Variants in IQSEC3 observed in about 807,000 individuals in gnomAD.
IQSEC3 encodes the protein IQ motif and Sec7 domain ArfGEF 3.
A neutral mutation model predicts 105.4 loss-of-function variants in IQSEC3; 50 were observed. The ratio of observed to expected loss-of-function variants is 0.47; its 90% CI spans 0.38 to 0.60. The LOEUF (loss-of-function observed/expected upper bound fraction) is 0.60, where lower values mean the gene tolerates loss of function less well. Among genes scored for constraint, IQSEC3 ranks in the 20% least tolerant of loss-of-function variants. The probability of loss-of-function intolerance (pLI) is 0.00; values close to 1 mark genes in which losing one functional copy is unlikely to be tolerated. For missense variants in IQSEC3, 1,415 were observed against 1,630.0 expected, an observed-to-expected ratio of 0.87 and a Z score of 2.27; for synonymous variants, 708 against 746.0, an observed-to-expected ratio of 0.95 and a Z score of 0.83.
rs1044196500 is a variant in IQSEC3, at chr12:117,981, G to A, written c.624-7652G>A. ...AGCAGGGATGGAGCAGCGACACAGC[G>A]GGTGTGGCCAGGGCCCAAGCAAATG... On this transcript the variant is annotated intron_variant, in intron 2 of 13. Transcript: ENST00000538872. Among the ~76,000 whole-genome samples, 11 of 152,218 alleles carry A rather than the reference G, an allele frequency of 7.2e-5. 1 individual carries two copies. The highest frequency in any genetic ancestry group is 1.0e-4 in the Non-Finnish European group (7 of 68,038).
Position 125,883 on chromosome 12 carries a change from G to C in IQSEC3, c.874G>C (p.Glu292Gln). Residue 292 changes from glutamate to glutamine, a missense_variant, in exon 3 of 14, where the codon GAA (glutamate) becomes CAA (glutamine). Transcript: ENST00000538872. ...CCACGCCCCTGCCGCCTCCGATTAC[G>C]AACTCTCCCTTGACCTAAAGAATAA... ...CPHAPAASDYELSLDLKNKQI... is the reference protein window; with the variant it reads ...CPHAPAASDYQLSLDLKNKQI... 1 of 1,533,774 alleles carries C rather than the reference G, an allele frequency of 6.5e-7. No homozygotes were observed. The highest frequency in any genetic ancestry group is 8.7e-7 in the Non-Finnish European group (1 of 1,146,528).
chr12:100,546 G>A (rs1220661343), intron 2 of IQSEC3, among the ~76,000 whole-genome samples: 1 of 152,168 alleles, frequency 6.6e-6, no homozygotes, highest in African/African-American at 2.4e-5. Flanking sequence ...AAGAGGCGGG[G>A]CTCTGAGGAG....
In IQSEC3 at chr12:165,765, C is replaced by G; in HGVS notation, c.2846C>G (p.Ser949Trp). 6.2e-7 allele frequency: 1 copy of G among 1,613,936 alleles called. No homozygotes were observed. ...GGCATCACACTGGTGACCCCGCTCT[C>G]GGGCTCCGAGAAGAAGCAGGTGCTG... is the stretch of plus-strand genomic sequence containing the variant. ...SHGITLVTPL[S>W]GSEKKQVLHF... The change falls in exon 11 of 14, where the codon TCG becomes TGG. Residue 949 changes from serine (S) to tryptophan (W), a missense_variant. This residue lies in a region of IQSEC3 where 419 missense variants were observed against 436.2 expected (regional missense o/e 0.96). Transcript: ENST00000538872.
chr12:176,716 T>C lies in IQSEC3; in HGVS notation c.*1683T>C, dbSNP rs1375859297. The C allele has an allele frequency of 2.0e-5, 3 of 152,320 alleles. No individual in the cohort carries two copies. Among genetic ancestry groups the C allele is most frequent in the Non-Finnish European group, 4.4e-5 (3 of 68,082 alleles). The allele number at this position is 152,320 out of a possible 1,614,324, so 9.4% of individuals were successfully genotyped here. A position where few individuals can be genotyped will look rare whatever the true frequency, so the allele number is the denominator to read the frequency against. ...CTTCGTCGGCCCAGTTTCTGTAACT[T>C]GCAGCCAATTTGCCCTCTCCCCTGT... On this transcript the variant is annotated 3_prime_UTR_variant, in exon 14 of 14. Transcript: ENST00000538872. The surrounding 1 kb of genome is among the most constrained non-coding windows in gnomAD (Gnocchi z 4.0).
chr12:77,952 C>T lies in IQSEC3; in HGVS notation c.554+10516C>T, dbSNP rs548801393. ...GAGAAGGAATCTCCCGGCCCACGCG[C>T]CCCCTCCCAGCGTCCAGCCTCGCAC... On this transcript the variant is annotated intron_variant, in intron 1 of 13. Coordinates refer to ENST00000538872, the MANE Select transcript of IQSEC3 (RefSeq NM_001170738.2). Among the ~76,000 whole-genome samples the T allele has an allele frequency of 4.1e-5, 6 of 146,752 alleles. No individual in the cohort carries two copies. In the East Asian group the frequency reaches 9.7e-4, roughly 24 times the overall value.
At chr12:76,439 A>C (rs187534419) in intron 1 of IQSEC3, among the ~76,000 whole-genome samples, 1 of 152,246 alleles carries the variant, frequency 6.6e-6, no homozygotes, top group Non-Finnish European at 1.5e-5. Flanking sequence ...GACAACCCAC[A>C]CTATACTAAA....
chr12:155,471 G>A (rs1489040199), intron 5 of IQSEC3, among the ~76,000 whole-genome samples: 2 of 152,218 alleles, frequency 1.3e-5, no homozygotes, highest in Non-Finnish European at 2.9e-5. Context: ...GCTCCCTCTC[G>A]GCGCCCCCTC....
At chr12:116,254 G>T (rs921758918) in intron 2 of IQSEC3, among the ~76,000 whole-genome samples, 7 of 152,160 alleles carry the variant, frequency 4.6e-5, no homozygotes, top group Non-Finnish European at 1.0e-4. Flanking sequence ...TCAAACCCTA[G>T]TGGTCGGGCT....
intron 2 of IQSEC3, among the ~76,000 whole-genome samples, chr12:116,606 C>T (rs1321249334): frequency 1.3e-5 from 2 of 152,190 alleles, no homozygotes; most frequent in African/African-American, 2.4e-5. Context: ...ACTGTGAGGC[C>T]CAGCCCAGCT....
intron 1 of IQSEC3, among the ~76,000 whole-genome samples, chr12:75,924 G>A (rs533891631): frequency 8.5e-5 from 13 of 152,340 alleles, no homozygotes; most frequent in East Asian, 3.9e-4. Flanking sequence ...GGTGTGAGAC[G>A]GATGAGGGGT....
At chr12:69,601 C>A (rs550128352) in intron 1 of IQSEC3, among the ~76,000 whole-genome samples, 9 of 152,388 alleles carry the variant, frequency 5.9e-5, no homozygotes, top group African/African-American at 1.4e-4. Flanking sequence ...TCTCCTGCTC[C>A]CCAATCCTGC....
chr12:129,472 C>T (rs375948444), intron 3 of IQSEC3, among the ~76,000 whole-genome samples: 4 of 152,020 alleles, frequency 2.6e-5, no homozygotes, highest in Non-Finnish European at 4.4e-5. Flanking sequence ...CACAGCAAGA[C>T]GGTCCTCCTG....
intron 2 of IQSEC3, among the ~76,000 whole-genome samples, chr12:119,181 C>T (rs910974994): frequency 6.6e-6 from 1 of 152,060 alleles, no homozygotes; most frequent in Admixed American, 6.5e-5. Context: ...GGCTCTCTTC[C>T]GTTTGCGTGA....
intron 1 of IQSEC3, among the ~76,000 whole-genome samples, chr12:69,798 C>T (rs1393886432): frequency 6.6e-6 from 1 of 152,390 alleles, no homozygotes; most frequent in East Asian, 1.9e-4. Context: ...ATCACCATTG[C>T]TAATGACATG....
At chr12:134,560 G>A (rs544562520) in intron 3 of IQSEC3, among the ~76,000 whole-genome samples, 1 of 152,260 alleles carries the variant, frequency 6.6e-6, no homozygotes, top group Non-Finnish European at 1.5e-5. Flanking sequence ...TCTTGGGCCT[G>A]GGGTTTTCCT....
At chr12:162,687 G>A (rs1193061979) in intron 8 of IQSEC3, among the ~76,000 whole-genome samples, 2 of 152,170 alleles carry the variant, frequency 1.3e-5, no homozygotes, top group Admixed American at 6.5e-5. Context: ...GTCTGTGCAG[G>A]GACAGGCTTT....
chr12:170,672 G>A (rs188995488), intron 12 of IQSEC3, among the ~76,000 whole-genome samples: 182 of 152,330 alleles, frequency 1.2e-3, no homozygotes, highest in Middle Eastern at 6.8e-3. Context: ...CCGGCACTGC[G>A]GTGAGTGCTG....
chr12:164,338 C>G (rs530419949), intron 9 of IQSEC3, among the ~76,000 whole-genome samples: 1 of 152,094 alleles, frequency 6.6e-6, no homozygotes, highest in African/African-American at 2.4e-5. Flanking sequence ...AGCCTCCACA[C>G]GGCTCTCCCC....
intron 2 of IQSEC3, among the ~76,000 whole-genome samples, chr12:118,794 C>G (rs868963378): frequency 6.6e-6 from 1 of 152,218 alleles, no homozygotes; most frequent in Admixed American, 6.5e-5. Context: ...CCCTCCTCTC[C>G]TGGCTCTCAC....
Sources: allele counts gnomAD v4.1 joint callset (sites outside exome capture counted in the v4.1 genomes callset), GRCh38; gene constraint gnomAD v4.1.1; regional missense constraint gnomAD v4.1.1; non-coding constraint Gnocchi (gnomAD v3.1); transcripts MANE v1.5; gene names NCBI Gene and HGNC (gene_info 2026-07-23, HGNC 2026-07-21).